VWA3A: variants seen among roughly 807,000 people sequenced by gnomAD.
VWA3A encodes the protein von Willebrand factor A domain-containing protein 3A.
In VWA3A, 134 loss-of-function variants were observed where a neutral mutation model predicts 160.4. The observed-to-expected ratio is 0.84, with a 90% CI of 0.73 to 0.96. The LOEUF (loss-of-function observed/expected upper bound fraction) is 0.96. Among genes scored for constraint, VWA3A ranks in the 40% least tolerant of loss-of-function variants. The pLI is 0.00. For synonymous variants in VWA3A, 476 were observed against 543.4 expected (o/e 0.88, Z 1.72); for missense variants, 1,310 against 1,447.9 (o/e 0.90, Z 1.55).
Position 22,123,621 on chromosome 16 carries a change from C to T in VWA3A, c.1446C>T (p.Leu482=), listed in dbSNP as rs373438078. ...GGCCCACACTTCTGCAGCAACAGCT[C>T]AGCAGAGCTATGCGGATGTATGAGA... ...PPFLYKYQQQ[L]SRAMRMYERR... The change falls in exon 16 of 34, where the codon CTC becomes CTT. Residue 482 remains leucine, a synonymous_variant. Coordinates refer to ENST00000389398, the MANE Select transcript of VWA3A (RefSeq NM_173615.5). The T allele has an allele frequency of 1.9e-6, 3 of 1,613,944 alleles. No individual in the cohort carries two copies. Among genetic ancestry groups the T allele is most frequent in the Non-Finnish European group, 2.5e-6 (3 of 1,179,874 alleles).
intron 21 of VWA3A, among the ~76,000 whole-genome samples, 195 bp downstream of exon 21, chr16:22,134,633 C>G (rs1322417973): frequency 6.6e-6 from 1 of 152,036 alleles, no homozygotes; most frequent in East Asian, 1.9e-4. Context: ...TTTCCTTGCC[C>G]CTCCCTGGCT....
chr16:22,112,641 C>A (rs1331864603), intron 8 of VWA3A, among the ~76,000 whole-genome samples: 2 of 152,134 alleles, frequency 1.3e-5, no homozygotes, highest in African/African-American at 4.8e-5. Context: ...TTTGATTGAA[C>A]CTGAGAGGGA....
chr16:22,119,223 C>A (rs1056959642), intron 12 of VWA3A, among the ~76,000 whole-genome samples, 196 bp downstream of exon 12: 2 of 152,150 alleles, frequency 1.3e-5, no homozygotes, highest in Non-Finnish European at 2.9e-5. Flanking sequence ...ACCATGGTAC[C>A]GGAAAGATTC....
At chr16:22,152,040 C>T (rs2046357552) in intron 30 of VWA3A, among the ~76,000 whole-genome samples, 1 of 152,200 alleles carries the variant, frequency 6.6e-6, no homozygotes, top group Non-Finnish European at 1.5e-5. Context: ...GAAACCCCGT[C>T]TCAACTAAAA....
intron 1 of VWA3A, among the ~76,000 whole-genome samples, chr16:22,096,396 G>A (rs1000533708): frequency 1.3e-5 from 2 of 152,126 alleles, no homozygotes; most frequent in African/African-American, 4.8e-5. Flanking sequence ...GGAGTTCGAG[G>A]CTGCCATAAG....
chr16:22,154,948 G>A (rs1365530630), intron 31 of VWA3A, among the ~76,000 whole-genome samples: 10 of 99,536 alleles, frequency 1.0e-4, no homozygotes, highest in African/African-American at 3.3e-4. Context: ...GCGACAGAGC[G>A]AGACTCCGTC....
chr16:22,124,530 CTATTATTATTATTATTATTAT>C (rs10564178), intron 16 of VWA3A, among the ~76,000 whole-genome samples: 13 of 141,170 alleles, frequency 9.2e-5, no homozygotes, highest in Middle Eastern at 3.7e-3. Context: ...TACTATACAT[CTATTATTATTATTATTATTAT>C]TATTATTATT....
At chr16:22,134,569 T>A in intron 21 of VWA3A, 131 bp downstream of exon 21, 3 of 771,732 alleles carry the variant, frequency 3.9e-6, no homozygotes, top group Non-Finnish European at 6.0e-6. Context: ...GCTGGAAGTC[T>A]GAAATCAAGG....
chr16:22,121,415 G>A, intron 13 of VWA3A, 99 bp from the exon 14 acceptor site: 1 of 1,014,878 alleles, frequency 9.9e-7, no homozygotes, highest in South Asian at 1.4e-5. Context: ...CTGCACTCTA[G>A]CCTGGGTGAC....
chr16:22,116,965 G>A, intron 10 of VWA3A, 98 bp downstream of exon 10: 1 of 1,414,564 alleles, frequency 7.1e-7, no homozygotes, highest in Non-Finnish European at 9.8e-7. Flanking sequence ...CCCGAGCTGT[G>A]GACCAGAATG....
intron 26 of VWA3A, among the ~76,000 whole-genome samples, 176 bp from the exon 27 acceptor site, chr16:22,146,060 G>C (rs957949696): frequency 1.3e-5 from 2 of 152,140 alleles, no homozygotes; most frequent in African/African-American, 4.8e-5. Context: ...GGGCTCAAGC[G>C]ATCCTCCTGC....
At chr16:22,127,056 A>G (rs1340107238) in intron 17 of VWA3A, among the ~76,000 whole-genome samples, 2 of 149,378 alleles carry the variant, frequency 1.3e-5, no homozygotes, top group African/African-American at 4.9e-5. Context: ...TTAAAATTAT[A>G]TTTTATATAT....
intron 21 of VWA3A, among the ~76,000 whole-genome samples, chr16:22,136,893 ACG>A (rs1300294797): frequency 7.4e-4 from 73 of 98,654 alleles, no homozygotes; most frequent in South Asian, 1.6e-3. Context: ...ACACACACAC[ACG>A]CACACACACA....
chr16:22,108,306 G>T (rs972717093), intron 6 of VWA3A, among the ~76,000 whole-genome samples: 2 of 152,178 alleles, frequency 1.3e-5, no homozygotes, highest in African/African-American at 4.8e-5. Context: ...AATAGGAATG[G>T]ATGATCCAGG....
rs2045436267 is a variant in VWA3A, at chr16:22,103,377, A to G, written c.429-98A>G. 6 of 1,200,580 alleles carry G rather than the reference A, an allele frequency of 5.0e-6. No individual in the cohort carries two copies. The South Asian group carries it at 7.1e-5, about 14-fold the overall frequency. 74.4% of individuals were successfully genotyped at this position (1,200,580 alleles called of 1,614,324 possible). A position where few individuals can be genotyped will look rare whatever the true frequency, so the allele number is the denominator to read the frequency against. On this transcript the variant is annotated intron_variant, in intron 5 of 33. Transcript: ENST00000389398. ...CCAAGAACCTATGCACATTAAAAAA[A>G]AAAACAATTATTCATACCTGCCTTT...
intron 6 of VWA3A, among the ~76,000 whole-genome samples, chr16:22,105,047 G>C (rs1056932781): frequency 6.6e-6 from 1 of 152,168 alleles, no homozygotes; most frequent in Non-Finnish European, 1.5e-5. Context: ...CTTCACCTCA[G>C]ATCCAGAACC....
intron 21 of VWA3A, among the ~76,000 whole-genome samples, chr16:22,135,285 C>A (rs956564500): frequency 3.3e-5 from 5 of 152,136 alleles, no homozygotes; most frequent in Non-Finnish European, 5.9e-5. Flanking sequence ...TCTGGCATTC[C>A]TTGGCTTGAG....
chr16:22,094,948 C>T (rs956883608), intron 1 of VWA3A, among the ~76,000 whole-genome samples: 3 of 134,596 alleles, frequency 2.2e-5, no homozygotes, highest in African/African-American at 8.3e-5. Flanking sequence ...GCCTGGGTGA[C>T]AAGAGCAAGA....
At chr16:22,121,802 A>C (rs2045739829) in intron 14 of VWA3A, among the ~76,000 whole-genome samples, 185 bp downstream of exon 14, 1 of 152,072 alleles carries the variant, frequency 6.6e-6, no homozygotes, top group Admixed American at 6.6e-5. Flanking sequence ...TGAACTTGGG[A>C]GATGAGGCAA....
Sources: allele counts gnomAD v4.1 joint callset (sites outside exome capture counted in the v4.1 genomes callset), GRCh38; gene constraint gnomAD v4.1.1; transcripts MANE v1.5; gene names NCBI Gene and HGNC (gene_info 2026-07-23, HGNC 2026-07-21).